Variants in SPG7 observed in about 807,000 individuals in gnomAD.
The protein encoded by SPG7 is SPG7 matrix AAA peptidase subunit, paraplegin.
A neutral mutation model predicts 81.9 loss-of-function variants in SPG7; 103 were observed. That is an observed-to-expected ratio of 1.26 (90% confidence interval 1.07 to 1.48). The LOEUF (loss-of-function observed/expected upper bound fraction) is 1.48, where lower values mean the gene tolerates loss of function less well. Ranked by LOEUF, SPG7 falls within the 40% of genes most tolerant of loss-of-function variation. The pLI, the probability that SPG7 is intolerant of heterozygous loss-of-function variation, is 0.00. For missense variants in SPG7, 1,241 were observed against 1,087.3 expected (o/e 1.14, Z -1.99); for synonymous variants, 534 against 444.2 (o/e 1.20, Z -2.54).
rs1567934271 is a variant in SPG7 at position 89,553,850 on chromosome 16, T to C, written c.1993T>C (p.Phe665Leu). 6.2e-7 allele frequency: 1 copy of C among 1,613,512 alleles called. No individual in the cohort carries two copies. The highest frequency in any genetic ancestry group is 8.5e-7 in the Non-Finnish European group (1 of 1,180,024). ...CATCGCCTACTCCATGGTGAAGCAG[T>C]TTGGGATGGCACCTGGCATCGGGCC... ...TRIAYSMVKQ[F>L]GMAPGIGPIS... The change falls in exon 15 of 17, where the codon TTT (phenylalanine) becomes CTT (leucine). Residue 665 changes from phenylalanine (F) to leucine (L), a missense_variant. By Grantham distance (22) the Phe-to-Leu change is conservative (BLOSUM62 0). Coordinates refer to ENST00000645818, the MANE Select transcript of SPG7 (RefSeq NM_003119.4).
chr16:89,512,250 C>T (rs1195952467), intron 2 of SPG7, among the ~76,000 whole-genome samples: 2 of 151,422 alleles, frequency 1.3e-5, no homozygotes, highest in Non-Finnish European at 2.9e-5. Flanking sequence ...GATTTTGAGA[C>T]AGCTCTGTGT....
intron 9 of SPG7, chr16:89,543,238 C>CATCTG (rs2058520757): frequency 1.3e-5 from 2 of 151,386 alleles, no homozygotes; most frequent in Admixed American, 6.6e-5. Context: ...TGAGCCACCG[C>CATCTG]GCCTGGCTAT....
chr16:89,546,078 T>C, intron 10 of SPG7: 1 of 302,846 alleles, frequency 3.3e-6, no homozygotes, highest in Non-Finnish European at 6.5e-6. Context: ...CACCTCTCCT[T>C]CCAAGAGCGT....
Position 89,557,361 on chromosome 16 carries a change from T to G in SPG7, c.*268T>G. 1 of 498,258 alleles carries G rather than the reference T, an allele frequency of 2.0e-6. No individual in the cohort carries two copies. The highest frequency in any genetic ancestry group is 3.7e-5 in the East Asian group (1 of 26,894). 30.9% of individuals were successfully genotyped at this position (498,258 alleles called of 1,614,324 possible). ...CCGAGTGAGCATGGAACACTTCGAG[T>G]TCCCAGGGTTATAGACAGTCGTTCC... On this transcript the variant is annotated 3_prime_UTR_variant, in exon 17 of 17. Transcript: ENST00000645818.
intron 9 of SPG7, among the ~76,000 whole-genome samples, chr16:89,542,683 T>A: frequency 6.6e-6 from 1 of 152,130 alleles, no homozygotes; most frequent in African/African-American, 2.4e-5. Context: ...ACAGTGGCCC[T>A]GGAGAAGCTG....
chr16:89,517,462 A>T (rs557238906), intron 3 of SPG7: 1 of 152,380 alleles, frequency 6.6e-6, no homozygotes, highest in South Asian at 2.1e-4. Flanking sequence ...GTCCAGTGAA[A>T]TCCTAGTCGT....
intron 2 of SPG7, among the ~76,000 whole-genome samples, chr16:89,510,849 A>G (rs2058011625): frequency 6.6e-6 from 1 of 152,154 alleles, no homozygotes; most frequent in Admixed American, 6.6e-5. Context: ...TTGTAGAGAC[A>G]AGGTCTCACT....
At chr16:89,553,211 C>T (rs1567933838) in intron 14 of SPG7, 76 bp downstream of exon 14, 5 of 1,378,212 alleles carry the variant, frequency 3.6e-6, no homozygotes, top group Non-Finnish European at 5.0e-6. Context: ...CCAGTGCATG[C>T]CATGGGGTGA....
At chr16:89,550,218 C>G (rs2152410961) in intron 12 of SPG7, 1 of 401,434 alleles carries the variant, frequency 2.5e-6, no homozygotes, top group African/African-American at 2.1e-5. Flanking sequence ...TGTCGCCCAG[C>G]CTGGAGTGCA....
intron 10 of SPG7, chr16:89,546,044 C>A (rs1307586132): frequency 2.8e-6 from 1 of 357,904 alleles, no homozygotes; most frequent in East Asian, 8.7e-5. Context: ...GGTGTCAAAC[C>A]CCTGGCCTCA....
At chr16:89,543,347 C>CTTTTTTTTTTCT (rs2058523004) in intron 9 of SPG7, 1 of 108,964 alleles carries the variant, frequency 9.2e-6, no homozygotes, top group African/African-American at 3.5e-5. Context: ...GGACCTTTTC[C>CTTTTTTTTTTCT]TTTTTTTTTT....
intron 2 of SPG7, 46 bp downstream of exon 2, chr16:89,510,638 C>A (rs3922633): frequency 2.6e-6 from 3 of 1,160,004 alleles, no homozygotes; most frequent in East Asian, 4.7e-5. Flanking sequence ...TGCACACTTA[C>A]CGCCTCAGCT....
intron 16 of SPG7, 144 bp from the exon 17 acceptor site, chr16:89,556,743 C>G: frequency 1.4e-6 from 1 of 737,178 alleles, no homozygotes. Flanking sequence ...GAGCTGCCTC[C>G]GTGCCTCCGC....
At position 89,557,555 on chromosome 16, in the gene SPG7, T is replaced by C. The variant is rs76337815; in HGVS notation, c.*462T>C. 11 of 201,632 alleles carry C rather than the reference T, an allele frequency of 5.5e-5. No individual in the cohort carries two copies. In the East Asian group the frequency reaches 1.4e-3, roughly 25 times the overall value. The allele number at this position is 201,632 out of a possible 1,614,324, so 12.5% of individuals were successfully genotyped here. ...CCGATTGTCCTATCTCCAGCGGCCC[T>C]GTCATCCAGCTCACTCATCAATGGG... is the stretch of plus-strand genomic sequence containing the variant. On this transcript the variant is annotated 3_prime_UTR_variant, in exon 17 of 17. Transcript: ENST00000645818.
intron 9 of SPG7, chr16:89,536,935 AC>A (rs1315336037): frequency 1.2e-6 from 2 of 1,614,066 alleles, no homozygotes; most frequent in African/African-American, 2.7e-5. Context: ...TTTTTGAGTG[AC>A]TTGAGCCCAA....
chr16:89,516,549 G>A (rs941066645), intron 3 of SPG7, among the ~76,000 whole-genome samples: 2 of 151,916 alleles, frequency 1.3e-5, no homozygotes, highest in African/African-American at 4.8e-5. Context: ...AGACCTTTCT[G>A]TCTCAAACAT....
In SPG7 at chr16:89,554,549, G is replaced by C; in HGVS notation, c.2167G>C (p.Asp723His). 1 of 1,609,316 alleles carries C rather than the reference G, an allele frequency of 6.2e-7. No homozygotes were observed. The highest frequency in any genetic ancestry group is 1.1e-5 in the South Asian group (1 of 91,002). Reference sequence around the variant, plus strand: ...CGAGAAGGTGCTGCAGGACAACCTGGACAAGTTGCAGGCGGTGAGGCCCTG... The same window carrying C: ...CGAGAAGGTGCTGCAGGACAACCTGCACAAGTTGCAGGCGGTGAGGCCCTG... The part of the protein sequence containing the change: ...HTEKVLQDNL[D>H]KLQALANALL... The change falls in exon 16 of 17, where the codon GAC becomes CAC. Residue 723 changes from aspartate to histidine, a missense_variant. Asp to His is a moderately conservative substitution (Grantham distance 81). Transcript: ENST00000645818.
intron 4 of SPG7, among the ~76,000 whole-genome samples, chr16:89,525,100 C>T (rs1225667321): frequency 1.3e-5 from 2 of 151,880 alleles, no homozygotes; most frequent in Admixed American, 1.3e-4. Context: ...GCTGGGATGG[C>T]AGGCGCGCAC....
At chr16:89,521,104 A>AGAGC (rs2058182261) in intron 3 of SPG7, 1 of 152,240 alleles carries the variant, frequency 6.6e-6, no homozygotes, top group South Asian at 2.1e-4. Context: ...TGTGGCTGGA[A>AGAGC]GAGCCTTCTC....
Sources: gnomAD v4.1 joint callset for allele counts (sites outside exome capture counted in the v4.1 genomes callset) on GRCh38, gnomAD v4.1.1 for gene constraint, MANE v1.5 for transcripts, NCBI Gene and HGNC (gene_info 2026-07-23, HGNC 2026-07-21) for gene names.